TNFSF4: variants seen among roughly 807,000 people sequenced by gnomAD.
The protein encoded by TNFSF4 is TNF superfamily member 4, also known as tumor necrosis factor ligand superfamily member 4.
In TNFSF4, 4 loss-of-function variants were observed where a neutral mutation model predicts 7.3. That is an observed-to-expected ratio of 0.55 (90% CI 0.27 to 1.25). The LOEUF (loss-of-function observed/expected upper bound fraction) is 1.25, where lower values mean the gene tolerates loss of function less well. TNFSF4 is among the 50% of genes most tolerant of loss of function. The pLI, the probability that TNFSF4 is intolerant of heterozygous loss-of-function variation, is 0.12. For synonymous variants in TNFSF4, 76 were observed against 83.7 expected, an observed-to-expected ratio of 0.91 and a Z score of 0.50; for missense variants, 181 against 208.8, an observed-to-expected ratio of 0.87 and a Z score of 0.82.
chr1:173,449,898 C>G, the TNFSF4 span, among the ~76,000 whole-genome samples: 3 of 151,992 alleles, frequency 2.0e-5, no homozygotes, highest in Admixed American at 2.0e-4. Context: ...AGAATAAACC[C>G]AAAGTAAGTA....
the TNFSF4 span, chr1:173,418,123 G>A: frequency 1.3e-5 from 2 of 152,234 alleles, no homozygotes; most frequent in African/African-American, 2.4e-5. Context: ...TGATTGCCAT[G>A]CCAGGCATCC....
chr1:173,216,103 G>A, the TNFSF4 span, among the ~76,000 whole-genome samples: 10 of 152,098 alleles, frequency 6.6e-5, no homozygotes, highest in African/African-American at 1.9e-4. Context: ...AAGACTAAGC[G>A]CAGATCCCTG....
chr1:173,435,112 G>T, the TNFSF4 span, among the ~76,000 whole-genome samples: 3 of 152,112 alleles, frequency 2.0e-5, no homozygotes, highest in Non-Finnish European at 4.4e-5. Context: ...TGATAGTCCT[G>T]ATCCTATCTT....
At chr1:173,257,587 T>C in the TNFSF4 span, among the ~76,000 whole-genome samples, 7 of 152,332 alleles carry the variant, frequency 4.6e-5, no homozygotes, top group Non-Finnish European at 7.3e-5. Context: ...AAAAGCACTA[T>C]ATTTATTTTT....
chr1:173,326,289 A>G, the TNFSF4 span, among the ~76,000 whole-genome samples: 1 of 152,262 alleles, frequency 6.6e-6, no homozygotes, highest in Non-Finnish European at 1.5e-5. Flanking sequence ...CAATAGATGC[A>G]GAAAAGGCCT....
At chr1:173,345,874 G>A in the TNFSF4 span, among the ~76,000 whole-genome samples, 6 of 152,198 alleles carry the variant, frequency 3.9e-5, no homozygotes, top group Admixed American at 3.3e-4. Context: ...AGGAAGACTC[G>A]GTGCAATCCC....
At chr1:173,389,916 A>G in the TNFSF4 span, among the ~76,000 whole-genome samples, 3 of 151,952 alleles carry the variant, frequency 2.0e-5, no homozygotes, top group Non-Finnish European at 2.9e-5. Context: ...TCCTTCATTA[A>G]TATATTTATT....
the TNFSF4 span, among the ~76,000 whole-genome samples, chr1:173,366,304 A>G: frequency 1.3e-5 from 2 of 152,226 alleles, no homozygotes; most frequent in African/African-American, 2.4e-5. Flanking sequence ...TTGGCCATAA[A>G]AAAGAATGAA....
the TNFSF4 span, among the ~76,000 whole-genome samples, chr1:173,295,230 C>T: frequency 2.0e-5 from 3 of 152,022 alleles, no homozygotes; most frequent in East Asian, 1.9e-4. Context: ...AACAATTCCA[C>T]GTCTAAGTAA....
the TNFSF4 span, among the ~76,000 whole-genome samples, chr1:173,175,696 G>A: frequency 6.6e-6 from 1 of 152,166 alleles, no homozygotes; most frequent in East Asian, 1.9e-4. Context: ...AGAGGCTCTT[G>A]TTTTATTTAA....
At chr1:173,180,437 TA>T (rs977200553), downstream of TNFSF4, among the ~76,000 whole-genome samples, 1 of 152,190 alleles carries the variant, frequency 6.6e-6, no homozygotes, top group Non-Finnish European at 1.5e-5. Context: ...GATGAATGGA[TA>T]AAGTATCATT....
chr1:173,341,366 C>A, the TNFSF4 span, among the ~76,000 whole-genome samples: 32 of 152,084 alleles, frequency 2.1e-4, no homozygotes, highest in Admixed American at 2.6e-4. Context: ...TTCGTGTAAC[C>A]CCAAAATTTG....
At chr1:173,351,170 G>A in the TNFSF4 span, among the ~76,000 whole-genome samples, 1 of 152,176 alleles carries the variant, frequency 6.6e-6, no homozygotes. Flanking sequence ...TCCTGAGCCT[G>A]CCAGTTACAC....
the TNFSF4 span, among the ~76,000 whole-genome samples, chr1:173,373,801 T>C: frequency 7.9e-5 from 12 of 152,214 alleles, no homozygotes; most frequent in Admixed American, 1.3e-4. Flanking sequence ...ACAAATTGCA[T>C]AGAAGCCTGC....
chr1:173,397,628 A>C, the TNFSF4 span, among the ~76,000 whole-genome samples: 1 of 152,164 alleles, frequency 6.6e-6, no homozygotes, highest in African/African-American at 2.4e-5. Context: ...TGCATAATTG[A>C]AACAGATATA....
the TNFSF4 span, among the ~76,000 whole-genome samples, chr1:173,347,844 T>A: frequency 6.6e-6 from 1 of 152,210 alleles, no homozygotes; most frequent in African/African-American, 2.4e-5. Context: ...CATTATAGAA[T>A]TTAGGGCAGC....
the TNFSF4 span, among the ~76,000 whole-genome samples, chr1:173,233,614 C>T: frequency 1.3e-5 from 2 of 152,164 alleles, no homozygotes; most frequent in South Asian, 2.1e-4. Context: ...GCAAATGATG[C>T]ATTCAATTGT....
At position 173,184,728 on chromosome 1, in the gene TNFSF4, C is replaced by T. The variant is rs1196212365; in HGVS notation, c.*1788G>A. 2 of 152,274 alleles carry T rather than the reference C, an allele frequency of 1.3e-5. No individual in the cohort carries two copies. The highest frequency in any genetic ancestry group is 2.1e-4 in the South Asian group (1 of 4,816). The allele number at this position is 152,274 out of a possible 1,614,324, so 9.4% of individuals were successfully genotyped here. A position where few individuals can be genotyped will look rare whatever the true frequency, so the allele number is the denominator to read the frequency against. On this transcript the variant is annotated 3_prime_UTR_variant, in exon 3 of 3. Transcript: ENST00000281834. Reference sequence around the variant, plus strand: ...ACACACACACACACACACACAAACACACACACAATCTTCTGAGTAGTGAAG... The same window carrying T: ...ACACACACACACACACACACAAACATACACACAATCTTCTGAGTAGTGAAG...
chr1:173,408,490 AT>A, the TNFSF4 span, among the ~76,000 whole-genome samples: 2 of 152,238 alleles, frequency 1.3e-5, no homozygotes, highest in Non-Finnish European at 2.9e-5. Context: ...GGATAATTAA[AT>A]TTAAAAAATC....
Sources: allele counts gnomAD v4.1 joint callset (sites outside exome capture counted in the v4.1 genomes callset), GRCh38; gene constraint gnomAD v4.1.1; transcripts MANE v1.5; gene names NCBI Gene and HGNC (gene_info 2026-07-23, HGNC 2026-07-21).